The following LMLN variants were observed in gnomAD, a reference collection of about 807,000 sequenced individuals.
LMLN encodes leishmanolysin like peptidase, also known as leishmanolysin-like peptidase.
Under a neutral mutation model 92.3 loss-of-function variants are expected in LMLN, and 70 were observed. The observed-to-expected ratio is 0.76, with a 90% CI of 0.63 to 0.92. The LOEUF (loss-of-function observed/expected upper bound fraction) is 0.92. LMLN is among the 40% of genes least tolerant of loss of function. The pLI is 0.00. For missense variants in LMLN, 691 were observed against 814.6 expected (o/e 0.85, Z 1.85); for synonymous variants, 308 against 296.2 (o/e 1.04, Z -0.41).
At chr3:198,035,945 A>G (rs201940107) in exon 15 of LMLN, 1 of 1,614,126 alleles carries the variant, frequency 6.2e-7, no homozygotes, top group East Asian at 2.2e-5. Flanking sequence ...TGGATTCACG[A>G]TGGAAACCTG....
chr3:198,021,544 T>G lies in LMLN; in HGVS notation c.1464T>G (p.Ser488Arg), dbSNP rs369818092. The G allele has an allele frequency of 3.1e-6, 5 of 1,614,062 alleles. No homozygotes were observed. In the African/African-American group the frequency reaches 6.7e-5, roughly 22 times the overall value. The change falls in exon 13 of 16, where the codon AGT becomes AGG. Residue 488 changes from serine (S) to arginine (R), a missense_variant. Coordinates refer to ENST00000330198, the Ensembl canonical transcript of LMLN. ...ACTGCCCTTTCAGTCAGGAATTCAGTTGGCATTTAAGTGGTGAATATCAGC... is the reference window on the plus strand; with the variant it reads ...ACTGCCCTTTCAGTCAGGAATTCAGGTGGCATTTAAGTGGTGAATATCAGC...
chr3:198,020,794 T>G (rs1722760016), intron 12 of LMLN, among the ~76,000 whole-genome samples: 1 of 141,080 alleles, frequency 7.1e-6, no homozygotes, highest in African/African-American at 2.7e-5. Flanking sequence ...TTTTTTTTTT[T>G]TTTTTTAGTA....
At chr3:197,990,165 T>G (rs1302379395) in intron 8 of LMLN, among the ~76,000 whole-genome samples, 1 of 152,040 alleles carries the variant, frequency 6.6e-6, no homozygotes. Context: ...TGGGCTCAAG[T>G]GATTCTCCTG....
intron 1 of LMLN, among the ~76,000 whole-genome samples, chr3:197,970,647 G>A (rs1721197513): frequency 6.6e-6 from 1 of 152,144 alleles, no homozygotes; most frequent in Non-Finnish European, 1.5e-5. Context: ...GCAAGCAAAT[G>A]TTCAACATAA....
chr3:198,018,319 G>A (rs775370821), intron 11 of LMLN, among the ~76,000 whole-genome samples: 3 of 152,142 alleles, frequency 2.0e-5, no homozygotes, highest in African/African-American at 7.2e-5. Flanking sequence ...AAGATTTTAC[G>A]AAAATGGTAT....
chr3:197,974,582 T>C lies in LMLN; in HGVS notation c.317+108T>C, dbSNP rs1721317424. ...GAATCCATAGATAAAACTTAAGGAC[T>C]AGTGTAGCTTCAAAATGGAATTAAG... On this transcript the variant is annotated intron_variant, in intron 2 of 15. Transcript: ENST00000330198. The C allele has an allele frequency of 1.2e-5, 7 of 584,200 alleles. No individual in the cohort carries two copies. In the Admixed American group the frequency reaches 2.0e-4, roughly 17 times the overall value. 36.2% of individuals were successfully genotyped at this position (584,200 alleles called of 1,614,324 possible). A position where few individuals can be genotyped will look rare whatever the true frequency, so the allele number is the denominator to read the frequency against.
chr3:197,972,240 T>A (rs1472406748), intron 1 of LMLN, among the ~76,000 whole-genome samples: 2 of 152,000 alleles, frequency 1.3e-5, no homozygotes, highest in Non-Finnish European at 2.9e-5. Context: ...ATTTTTGTAT[T>A]TTTAGTGGAG....
Position 198,019,724 on chromosome 3 carries a change from A to C in LMLN, c.1365+339A>C, listed in dbSNP as rs1031938137. Among the ~76,000 whole-genome samples, 1 of 152,236 alleles carries C rather than the reference A, an allele frequency of 6.6e-6. No homozygotes were observed. The highest frequency in any genetic ancestry group is 2.4e-5 in the African/African-American group (1 of 41,460). ...AGAAATCTTTAAAGAAAATAACTTA[A>C]GTACTCCAATCCAGTTAATTAGAAG... On this transcript the variant is annotated intron_variant, in intron 12 of 15. Transcript: ENST00000330198. This position sits in a 1 kb window ranked among gnomAD's most constrained non-coding sequence, Gnocchi z 5.5.
At chr3:198,024,364 C>T (rs1311359461) in intron 13 of LMLN, among the ~76,000 whole-genome samples, 18 of 151,850 alleles carry the variant, frequency 1.2e-4, no homozygotes, top group Admixed American at 3.3e-4. Flanking sequence ...TACAGGCGCC[C>T]GCCACCGCGC....
intron 14 of LMLN, among the ~76,000 whole-genome samples, chr3:198,033,497 A>C (rs575033013): frequency 8.6e-5 from 13 of 152,000 alleles, no homozygotes; most frequent in African/African-American, 3.1e-4. Flanking sequence ...GCTCACTGCA[A>C]CCTCGGCCTC....
chr3:197,962,013 G>A (rs75206882), intron 1 of LMLN, among the ~76,000 whole-genome samples: 9,939 of 151,876 alleles, frequency 0.065, 373 homozygotes, highest in African/African-American at 0.1. Flanking sequence ...GAAGTTTTTT[G>A]GTAAAATTTA....
intron 4 of LMLN, chr3:197,976,382 A>G (rs893506180): frequency 6.0e-5 from 30 of 496,894 alleles, no homozygotes; most frequent in Middle Eastern, 1.1e-3. Context: ...TTTCATGTGG[A>G]TACAGTGTTG....
chr3:198,024,327 T>C (rs897170164), intron 13 of LMLN, among the ~76,000 whole-genome samples: 2 of 151,520 alleles, frequency 1.3e-5, no homozygotes, highest in Non-Finnish European at 2.9e-5. Flanking sequence ...GCCATTCTCC[T>C]GCCTCAGCCT....
At chr3:197,976,620 C>T in exon 5 of LMLN, 1 of 1,596,728 alleles carries the variant, frequency 6.3e-7, no homozygotes, top group East Asian at 2.3e-5. Flanking sequence ...AAACCAATAC[C>T]TCCGGAAGGA....
intron 1 of LMLN, among the ~76,000 whole-genome samples, chr3:197,962,388 G>C (rs1720928442): frequency 1.3e-5 from 2 of 152,258 alleles, no homozygotes; most frequent in Admixed American, 6.5e-5. Context: ...TCAAAGATGG[G>C]TATTTTGGTT....
At chr3:197,963,193 TTC>T (rs923757330) in intron 1 of LMLN, among the ~76,000 whole-genome samples, 3 of 140,202 alleles carry the variant, frequency 2.1e-5, no homozygotes, top group Non-Finnish European at 3.0e-5. Context: ...CTGTTTTCTT[TTC>T]TCTCTCTTTT....
intron 1 of LMLN, among the ~76,000 whole-genome samples, chr3:197,973,211 A>G (rs1416756761): frequency 6.7e-6 from 1 of 150,264 alleles, no homozygotes; most frequent in African/African-American, 2.4e-5. Flanking sequence ...GCTAAAATGT[A>G]CCATATCCAT....
chr3:197,961,598 C>T (rs1260765431), intron 1 of LMLN, among the ~76,000 whole-genome samples: 1 of 152,178 alleles, frequency 6.6e-6, no homozygotes, highest in African/African-American at 2.4e-5. Flanking sequence ...GTCCTGGTCC[C>T]TAATACGTTT....
intron 13 of LMLN, among the ~76,000 whole-genome samples, chr3:198,022,087 C>A (rs766494771): frequency 2.0e-4 from 30 of 152,194 alleles, no homozygotes; most frequent in Non-Finnish European, 3.8e-4. Flanking sequence ...ATGCCATCCT[C>A]TTTTTATTAA....
Sources: gnomAD v4.1 joint callset for allele counts (sites outside exome capture counted in the v4.1 genomes callset) on GRCh38, gnomAD v4.1.1 for gene constraint, Gnocchi (gnomAD v3.1) non-coding constraint, MANE v1.5 for transcripts, NCBI Gene and HGNC (gene_info 2026-07-23, HGNC 2026-07-21) for gene names.